PCDH15: variants seen among roughly 807,000 people sequenced by gnomAD.
The protein encoded by PCDH15 is protocadherin related 15, also known as protocadherin-15.
In PCDH15, 129 loss-of-function variants were observed where a neutral mutation model predicts 178.5. That is an observed-to-expected ratio of 0.72 (90% CI 0.63 to 0.84). The LOEUF is 0.84. PCDH15 is among the 40% of genes least tolerant of loss of function. PCDH15 has a pLI of 0.00. For missense variants in PCDH15, 2,230 were observed against 2,099.9 expected (o/e 1.06, Z -1.21); for synonymous variants, 800 against 732.0 (o/e 1.09, Z -1.50).
chr10:55,465,096 A>C (rs147932617), intron 2 of PCDH15, among the ~76,000 whole-genome samples: 167 of 152,158 alleles, frequency 1.1e-3, no homozygotes, highest in Non-Finnish European at 1.8e-3. Context: ...CTGGTGTATG[A>C]GTATTCTTCC....
intron 3 of PCDH15, among the ~76,000 whole-genome samples, chr10:54,873,470 T>A (rs1284828697): frequency 6.7e-6 from 1 of 149,262 alleles, no homozygotes; most frequent in Non-Finnish European, 1.5e-5. Context: ...GAAACTGCTG[T>A]ATTTTATATA....
intron 8 of PCDH15, among the ~76,000 whole-genome samples, chr10:54,294,375 A>C (rs2133091857): frequency 6.6e-6 from 1 of 152,254 alleles, no homozygotes; most frequent in Admixed American, 6.5e-5. Context: ...ATGACGAGTT[A>C]ATGGGTGCAG....
intron 1 of PCDH15, among the ~76,000 whole-genome samples, chr10:54,752,276 ACC>A (rs2132991518): frequency 6.6e-6 from 1 of 151,424 alleles, no homozygotes; most frequent in East Asian, 1.9e-4. Flanking sequence ...GGAGATGGAG[ACC>A]ATCCTGGCTA....
chr10:55,265,215 C>T (rs998119297), intron 1 of PCDH15, among the ~76,000 whole-genome samples: 1 of 151,768 alleles, frequency 6.6e-6, no homozygotes, highest in Admixed American at 6.6e-5. Context: ...CCCAATAGTA[C>T]TTAAAGCAAA....
intron 13 of PCDH15, among the ~76,000 whole-genome samples, chr10:54,161,314 A>T (rs1410087167): frequency 1.3e-5 from 2 of 152,170 alleles, no homozygotes; most frequent in Non-Finnish European, 2.9e-5. Context: ...GATACATACT[A>T]TGGGACTCCA....
chr10:55,013,180 C>T (rs866017573), intron 2 of PCDH15, among the ~76,000 whole-genome samples: 2 of 152,124 alleles, frequency 1.3e-5, no homozygotes, highest in Admixed American at 6.6e-5. Context: ...TTCATGTATT[C>T]TCTGTCTACA....
intron 2 of PCDH15, among the ~76,000 whole-genome samples, chr10:54,556,527 A>T (rs2087288997): frequency 6.6e-6 from 1 of 152,166 alleles, no homozygotes; most frequent in South Asian, 2.1e-4. Context: ...AAGAAAATGC[A>T]CTATTTAGAA....
At chr10:53,821,356 A>T in intron 32 of PCDH15, 1 of 994,354 alleles carries the variant, frequency 1.0e-6, no homozygotes, top group African/African-American at 1.7e-5. Context: ...CAATCTAGGT[A>T]CATTATATTT....
At chr10:54,828,175 G>A (rs1953161409) in intron 3 of PCDH15, among the ~76,000 whole-genome samples, 1 of 151,850 alleles carries the variant, frequency 6.6e-6, no homozygotes, top group African/African-American at 2.4e-5. Context: ...CAGTATGCTC[G>A]AAGCATTAAT....
At chr10:55,291,108 T>C (rs1343016830) in intron 1 of PCDH15, among the ~76,000 whole-genome samples, 14 of 151,968 alleles carry the variant, frequency 9.2e-5, no homozygotes, top group Admixed American at 6.6e-5. Flanking sequence ...TTTCTCTCTT[T>C]CCCCCCGGCC....
chr10:55,350,860 C>A (rs1207140550), intron 2 of PCDH15, among the ~76,000 whole-genome samples: 1 of 151,986 alleles, frequency 6.6e-6, no homozygotes. Context: ...TGGATTCTAC[C>A]AATTGGCTCT....
At chr10:53,870,522 C>G (rs2079762714) in intron 26 of PCDH15, among the ~76,000 whole-genome samples, 1 of 152,092 alleles carries the variant, frequency 6.6e-6, no homozygotes, top group Admixed American at 6.5e-5. Context: ...AGATATTCAT[C>G]AAAGATGATT....
At chr10:54,244,631 T>C (rs937841008) in intron 8 of PCDH15, among the ~76,000 whole-genome samples, 3 of 152,234 alleles carry the variant, frequency 2.0e-5, no homozygotes, top group African/African-American at 4.8e-5. Context: ...GGAGGATACA[T>C]AGATCACAGA....
At chr10:54,553,608 G>C (rs1296919685) in intron 2 of PCDH15, among the ~76,000 whole-genome samples, 1 of 152,146 alleles carries the variant, frequency 6.6e-6, no homozygotes, top group African/African-American at 2.4e-5. Flanking sequence ...CCTAGAGCCA[G>C]CTCTGGAATT....
chr10:55,428,386 A>T (rs1838807118), intron 2 of PCDH15, among the ~76,000 whole-genome samples: 1 of 151,908 alleles, frequency 6.6e-6, no homozygotes, highest in South Asian at 2.1e-4. Flanking sequence ...AGATGAATTG[A>T]GTTCTCTATC....
chr10:54,462,791 A>G (rs1289390161), intron 3 of PCDH15, among the ~76,000 whole-genome samples: 1 of 147,542 alleles, frequency 6.8e-6, no homozygotes, highest in Admixed American at 6.9e-5. Flanking sequence ...CGGCCTCCCA[A>G]AGTGCTGGGA....
At chr10:55,084,826 G>A (rs1306813277) in intron 2 of PCDH15, among the ~76,000 whole-genome samples, 2 of 152,016 alleles carry the variant, frequency 1.3e-5, no homozygotes, top group Non-Finnish European at 2.9e-5. Flanking sequence ...ATGAAAAAGT[G>A]CTCAACATCA....
intron 2 of PCDH15, among the ~76,000 whole-genome samples, chr10:55,360,707 T>C (rs1438414170): frequency 6.6e-6 from 1 of 152,012 alleles, no homozygotes; most frequent in African/African-American, 2.4e-5. Flanking sequence ...GGATATTCTA[T>C]TCTATGACTA....
intron 2 of PCDH15, among the ~76,000 whole-genome samples, chr10:55,601,472 GTAGATT>G (rs1843075345): frequency 6.6e-6 from 1 of 152,136 alleles, no homozygotes; most frequent in South Asian, 2.1e-4. Context: ...GCCAGGAGAA[GTAGATT>G]TAAACTAGAT....
Sources: gnomAD v4.1 joint callset for allele counts (sites outside exome capture counted in the v4.1 genomes callset) on GRCh38, gnomAD v4.1.1 for gene constraint, MANE v1.5 for transcripts, NCBI Gene and HGNC (gene_info 2026-07-23, HGNC 2026-07-21) for gene names.